Variants in DOC2B observed in about 807,000 individuals in gnomAD.
The protein encoded by DOC2B is double C2 domain beta, also known as double C2-like domain-containing protein beta.
DOC2B carries 21 observed loss-of-function variants against 28.9 expected under a neutral mutation model. That is an observed-to-expected ratio of 0.73 (90% CI 0.52 to 1.05). The LOEUF (loss-of-function observed/expected upper bound fraction) is 1.05, where lower values mean the gene tolerates loss of function less well. Ranked by LOEUF, DOC2B falls within the 50% of genes least tolerant of loss-of-function variation. DOC2B has a pLI of 0.00. For missense variants in DOC2B, 384 were observed against 421.1 expected (o/e 0.91, Z 0.77); for synonymous variants, 194 against 178.1 (o/e 1.09, Z -0.71).
chr17:148,382 G>C, intron 7 of DOC2B, 113 bp from the exon 8 acceptor site: 2 of 397,630 alleles, frequency 5.0e-6, no homozygotes, highest in Non-Finnish European at 8.9e-6. Flanking sequence ...TCAGTGCTCA[G>C]AGTGGATGAT....
intron 1 of DOC2B, among the ~76,000 whole-genome samples, chr17:180,636 C>A (rs1373654027): frequency 6.6e-6 from 1 of 152,030 alleles, no homozygotes; most frequent in Non-Finnish European, 1.5e-5. Context: ...AGCCTCGGGC[C>A]CCTCCCCAGC....
intron 5 of DOC2B, among the ~76,000 whole-genome samples, chr17:158,030 G>A (rs2040155533): frequency 6.6e-6 from 1 of 152,188 alleles, no homozygotes; most frequent in South Asian, 2.1e-4. Context: ...GAACCCCGAA[G>A]ACAGAGTTCT....
chr17:165,998 G>A (rs1460619797), intron 2 of DOC2B, among the ~76,000 whole-genome samples: 1 of 152,204 alleles, frequency 6.6e-6, no homozygotes, highest in Non-Finnish European at 1.5e-5. Context: ...TGGCTCTGGT[G>A]GTCCCACCTC....
At chr17:172,334 G>A (rs1444290465) in intron 2 of DOC2B, among the ~76,000 whole-genome samples, 1 of 152,164 alleles carries the variant, frequency 6.6e-6, no homozygotes, top group Non-Finnish European at 1.5e-5. Context: ...TCCCCGCAAT[G>A]CCTGACTGTC....
At chr17:174,394 A>G (rs1446225579) in intron 1 of DOC2B, among the ~76,000 whole-genome samples, 2 of 152,218 alleles carry the variant, frequency 1.3e-5, no homozygotes, top group African/African-American at 4.8e-5. Context: ...TCAGTAGATC[A>G]TTATAGAAGG....
Position 156,321 on chromosome 17 carries a change from G to T in DOC2B, c.822C>A (p.Leu274=). Residue 274 remains leucine, a synonymous_variant, in exon 6 of 9, where the codon CTC becomes CTA. Transcript: ENST00000613549. ...LEERGRILIS[L]KYSSQKQGLL... is the part of the protein sequence containing the mutation. ...GGCCTTGCTTCTGTGAGCTGTACTTGAGGGAGATGAGGATGCGGCCCCGCT... is the reference window on the plus strand; with the variant it reads ...GGCCTTGCTTCTGTGAGCTGTACTTTAGGGAGATGAGGATGCGGCCCCGCT... The T allele has an allele frequency of 6.4e-7, 1 of 1,551,656 alleles. No individual in the cohort carries two copies. The highest frequency in any genetic ancestry group is 8.7e-7 in the Non-Finnish European group (1 of 1,147,006).
At chr17:149,886 G>A (rs909688481) in intron 6 of DOC2B, among the ~76,000 whole-genome samples, 2 of 152,328 alleles carry the variant, frequency 1.3e-5, no homozygotes, top group East Asian at 1.9e-4. Flanking sequence ...AGTGTAAAAC[G>A]CAGTAGCCTT....
intron 1 of DOC2B, among the ~76,000 whole-genome samples, chr17:173,496 T>G (rs1011768013): frequency 2.0e-5 from 3 of 152,160 alleles, no homozygotes; most frequent in African/African-American, 7.2e-5. Flanking sequence ...CATTCCTTCA[T>G]TATTTACCAA....
At chr17:149,268 A>T in intron 6 of DOC2B, 76 bp from the exon 7 acceptor site, 1 of 398,840 alleles carries the variant, frequency 2.5e-6, no homozygotes, top group Non-Finnish European at 4.4e-6. Flanking sequence ...AGGTATTCAA[A>T]GAGCTTTCTG....
rs1383999233 is a variant in DOC2B at position 161,454 on chromosome 17, G to A, written c.726C>T (p.His242=). The part of the protein sequence containing the change: ...RVPLKKLKPN[H]TKTFSICLEK... ...CCAGGCAGATGCTGAAGGTCTTGGTGTGGTTGGGTTTCAGCTTCTTCAGGG... is the reference window on the plus strand; with the variant it reads ...CCAGGCAGATGCTGAAGGTCTTGGTATGGTTGGGTTTCAGCTTCTTCAGGG... Residue 242 remains histidine, a synonymous_variant, in exon 5 of 9, where the codon CAC becomes CAT. Coordinates refer to ENST00000613549, the MANE Select transcript of DOC2B (RefSeq NM_003585.5). The A allele has an allele frequency of 3.9e-6, 6 of 1,551,730 alleles. No homozygotes were observed. The East Asian group carries it at 7.3e-5, about 19-fold the overall frequency.
intron 6 of DOC2B, among the ~76,000 whole-genome samples, chr17:150,015 C>T (rs1292785502): frequency 6.6e-6 from 1 of 152,192 alleles, no homozygotes; most frequent in South Asian, 2.1e-4. Flanking sequence ...TCCACAGCCA[C>T]TAAGGCCTTA....
chr17:175,166 AAGTT>A (rs2040355299), intron 1 of DOC2B, among the ~76,000 whole-genome samples: 1 of 152,208 alleles, frequency 6.6e-6, no homozygotes, highest in Admixed American at 6.5e-5. Flanking sequence ...TGAGCCCAGG[AAGTT>A]GAGGCTACAG....
intron 2 of DOC2B, among the ~76,000 whole-genome samples, chr17:166,629 C>A (rs897935564): frequency 1.3e-5 from 2 of 152,082 alleles, no homozygotes; most frequent in African/African-American, 4.8e-5. Context: ...ATACGTCTCA[C>A]GAGATCTGAT....
At chr17:176,596 A>G (rs1282911519) in intron 1 of DOC2B, among the ~76,000 whole-genome samples, 1 of 152,168 alleles carries the variant, frequency 6.6e-6, no homozygotes, top group African/African-American at 2.4e-5. Context: ...ACAAAAAGAG[A>G]GAAAAGCAGA....
chr17:174,289 T>C (rs1254143486), intron 1 of DOC2B, among the ~76,000 whole-genome samples: 1 of 152,244 alleles, frequency 6.6e-6, no homozygotes, highest in Non-Finnish European at 1.5e-5. Context: ...GGCCAGCTTA[T>C]CTAACGTCTT....
intron 6 of DOC2B, among the ~76,000 whole-genome samples, chr17:150,111 C>T (rs1023940879): frequency 3.3e-5 from 5 of 152,200 alleles, no homozygotes; most frequent in African/African-American, 9.7e-5. Flanking sequence ...CAAGCACAAG[C>T]GTGGTGCTTG....
chr17:175,544 A>G (rs891191568), intron 1 of DOC2B, among the ~76,000 whole-genome samples: 10 of 152,246 alleles, frequency 6.6e-5, no homozygotes, highest in Non-Finnish European at 1.2e-4. Context: ...TGTTCCCCCA[A>G]CGAATTAGCC....
intron 2 of DOC2B, 120 bp downstream of exon 2, chr17:172,417 A>G: frequency 1.3e-6 from 1 of 756,322 alleles, no homozygotes; most frequent in South Asian, 2.1e-5. Flanking sequence ...CACCCCACAC[A>G]GCGCAGACAT....
At chr17:148,537 G>A (rs950901793) in intron 7 of DOC2B, among the ~76,000 whole-genome samples, 3 of 152,006 alleles carry the variant, frequency 2.0e-5, no homozygotes, top group African/African-American at 2.4e-5. Context: ...GGCACTGCAC[G>A]CCCCACAGTC....
Sources: allele counts gnomAD v4.1 joint callset (sites outside exome capture counted in the v4.1 genomes callset), GRCh38; gene constraint gnomAD v4.1.1; transcripts MANE v1.5; gene names NCBI Gene and HGNC (gene_info 2026-07-23, HGNC 2026-07-21).